SCAF8: variants seen among roughly 807,000 people sequenced by gnomAD.
SCAF8 encodes the protein SR-related CTD associated factor 8.
SCAF8 carries 23 observed loss-of-function variants against 140.5 expected under a neutral mutation model. The observed-to-expected ratio is 0.16, with a 90% confidence interval of 0.12 to 0.23. SCAF8 has a LOEUF of 0.23. SCAF8 is among the 10% of genes least tolerant of loss of function. The probability of loss-of-function intolerance (pLI) is 1.00; values close to 1 mark genes in which losing one functional copy is unlikely to be tolerated. For synonymous variants in SCAF8, 575 were observed against 528.9 expected (o/e 1.09, Z -1.20); for missense variants, 1,397 against 1,555.7 (o/e 0.90, Z 1.72).
At chr6:154,738,022 T>C (rs1431519033) in intron 1 of SCAF8, among the ~76,000 whole-genome samples, 1 of 151,954 alleles carries the variant, frequency 6.6e-6, no homozygotes, top group Non-Finnish European at 1.5e-5. Flanking sequence ...TGCCAGAGAC[T>C]TTAGGAATAC....
At chr6:154,794,577 AG>A (rs1214692318) in intron 5 of SCAF8, among the ~76,000 whole-genome samples, 1 of 152,146 alleles carries the variant, frequency 6.6e-6, no homozygotes, top group Non-Finnish European at 1.5e-5. Flanking sequence ...CTAATTTATA[AG>A]TTAACCTTTA....
At chr6:154,814,102 A>G (rs1350110910) in intron 12 of SCAF8, among the ~76,000 whole-genome samples, 2 of 152,252 alleles carry the variant, frequency 1.3e-5, no homozygotes, top group South Asian at 2.1e-4. Flanking sequence ...CTTTGAAATT[A>G]CTTGAGACCA....
At chr6:154,779,009 G>GGTTTT (rs1377202282) in intron 3 of SCAF8, among the ~76,000 whole-genome samples, 5 of 151,934 alleles carry the variant, frequency 3.3e-5, no homozygotes, top group South Asian at 2.1e-4. Flanking sequence ...TTTAATGTCT[G>GGTTTT]GTTTTGTTTT....
chr6:154,791,341 A>G (rs1168611504), intron 4 of SCAF8, among the ~76,000 whole-genome samples: 1 of 152,252 alleles, frequency 6.6e-6, no homozygotes, highest in Non-Finnish European at 1.5e-5. Context: ...AATACACAGA[A>G]TATAACAAGA....
At position 154,733,662 on chromosome 6, in the gene SCAF8, C is replaced by T; in HGVS notation, c.-239C>T. ...CCGCCGACCCGCCCCGGCAGCGCCT[C>T]TGTTCCCTAGAACGGCGCTCCCCCC... is the stretch of plus-strand genomic sequence containing the variant. On this transcript the variant is annotated 5_prime_UTR_variant, in exon 1 of 20. Transcript: ENST00000367178. 7.7e-7 allele frequency: 1 copy of T among 1,301,014 alleles called. No homozygotes were observed. The highest frequency in any genetic ancestry group is 1.5e-5 in the African/African-American group (1 of 64,554). 80.6% of individuals were successfully genotyped at this position (1,301,014 alleles called of 1,614,324 possible).
chr6:154,739,282 G>GC (rs1393724774), intron 1 of SCAF8, among the ~76,000 whole-genome samples: 1 of 152,060 alleles, frequency 6.6e-6, no homozygotes, highest in Non-Finnish European at 1.5e-5. Flanking sequence ...GTGGGCCACT[G>GC]CCCCTGGCCA....
At chr6:154,786,378 A>C (rs1206153980) in intron 3 of SCAF8, among the ~76,000 whole-genome samples, 6 of 152,242 alleles carry the variant, frequency 3.9e-5, no homozygotes, top group Non-Finnish European at 5.9e-5. Context: ...TGATCTTTTA[A>C]GATAGTGATG....
At chr6:154,746,257 A>G (rs1582997060) in intron 1 of SCAF8, among the ~76,000 whole-genome samples, 2 of 152,302 alleles carry the variant, frequency 1.3e-5, no homozygotes, top group East Asian at 3.9e-4. Context: ...TGACTAGGCA[A>G]GCTGGCTCCT....
intron 1 of SCAF8, among the ~76,000 whole-genome samples, chr6:154,770,126 T>C (rs1312436472): frequency 6.6e-6 from 1 of 152,126 alleles, no homozygotes; most frequent in Non-Finnish European, 1.5e-5. Flanking sequence ...TTCAAGAGTT[T>C]AATAGTTTAA....
At chr6:154,796,783 G>A (rs1385372377) in intron 6 of SCAF8, among the ~76,000 whole-genome samples, 1 of 152,070 alleles carries the variant, frequency 6.6e-6, no homozygotes, top group African/African-American at 2.4e-5. Flanking sequence ...GACTAGCCGG[G>A]CCAACGTGGT....
At chr6:154,804,223 G>T (rs189226983) in intron 8 of SCAF8, among the ~76,000 whole-genome samples, 173 of 152,064 alleles carry the variant, frequency 1.1e-3, no homozygotes, top group Admixed American at 2.2e-3. Flanking sequence ...AAAGTCTGTG[G>T]GTCTCTTGTT....
chr6:154,750,631 A>G lies in SCAF8; in HGVS notation c.30+16701A>G, dbSNP rs549674137. On this transcript the variant is annotated intron_variant, in intron 1 of 19. Coordinates refer to ENST00000367178, the MANE Select transcript of SCAF8 (RefSeq NM_014892.5). The stretch of plus-strand genomic sequence containing the variant: ...GCCTGTGAATAAAATTAAGGATTCA[A>G]ATTTTGTTTAATGAGATTTTATTAG... Among the ~76,000 whole-genome samples the G allele has an allele frequency of 3.2e-4, 48 of 152,348 alleles. No homozygotes were observed. In the East Asian group the frequency reaches 6.9e-3, roughly 22 times the overall value.
At chr6:154,778,762 T>C (rs1466439910) in intron 3 of SCAF8, among the ~76,000 whole-genome samples, 1 of 140,980 alleles carries the variant, frequency 7.1e-6, no homozygotes, top group East Asian at 2.0e-4. Flanking sequence ...AGACCCTGTC[T>C]CAAAAAATGT....
intron 17 of SCAF8, among the ~76,000 whole-genome samples, 163 bp from the exon 18 acceptor site, chr6:154,827,009 G>T (rs1042782368): frequency 1.3e-5 from 2 of 151,962 alleles, no homozygotes; most frequent in African/African-American, 4.8e-5. Flanking sequence ...ATCAAATAAG[G>T]CAGCGTATAT....
rs373588201 is a variant in SCAF8, at chr6:154,739,252, A to G, written c.30+5322A>G. ...AATGATCCTGCTGTGTTGACCTCCC[A>G]AAGTACTGGGATTACAGGTGTGGGC... On this transcript the variant is annotated intron_variant, in intron 1 of 19. Transcript: ENST00000367178. 2.6e-3 allele frequency among the ~76,000 whole-genome samples: 391 copies of G among 152,312 alleles called. 4 individuals carry two copies. The highest frequency in any genetic ancestry group is 8.7e-3 in the African/African-American group (363 of 41,560).
intron 15 of SCAF8, 127 bp downstream of exon 15, chr6:154,820,460 C>A: frequency 1.4e-6 from 1 of 703,958 alleles, no homozygotes; most frequent in Non-Finnish European, 2.4e-6. Context: ...AGAAAAGATA[C>A]ATTACTATGC....
intron 1 of SCAF8, among the ~76,000 whole-genome samples, chr6:154,738,944 C>G (rs1424597958): frequency 6.6e-6 from 1 of 152,010 alleles, no homozygotes; most frequent in Admixed American, 6.6e-5. Flanking sequence ...CAGTGCATGA[C>G]CCATTCTTTC....
chr6:154,770,744 G>T (rs187251103), intron 1 of SCAF8, among the ~76,000 whole-genome samples: 82 of 152,200 alleles, frequency 5.4e-4, no homozygotes, highest in African/African-American at 1.9e-3. Flanking sequence ...GGTTAAACTG[G>T]TTTTTGTTGT....
chr6:154,786,307 A>G (rs1391639985), intron 3 of SCAF8, among the ~76,000 whole-genome samples: 1 of 152,222 alleles, frequency 6.6e-6, no homozygotes, highest in Non-Finnish European at 1.5e-5. Flanking sequence ...GAGCCAGATT[A>G]CCAGCCTGGG....
Sources: gnomAD v4.1 joint callset for allele counts (sites outside exome capture counted in the v4.1 genomes callset) on GRCh38, gnomAD v4.1.1 for gene constraint, MANE v1.5 for transcripts, NCBI Gene and HGNC (gene_info 2026-07-23, HGNC 2026-07-21) for gene names.